The following MYO1E variants were observed in gnomAD, a reference collection of about 807,000 sequenced individuals.
MYO1E encodes unconventional myosin-Ie.
A neutral mutation model predicts 151.1 loss-of-function variants in MYO1E; 68 were observed. The observed-to-expected ratio is 0.45, with a 90% confidence interval of 0.37 to 0.55. The LOEUF (loss-of-function observed/expected upper bound fraction) is 0.55, where lower values mean the gene tolerates loss of function less well. Ranked by LOEUF, MYO1E falls within the 20% of genes least tolerant of loss-of-function variation. The pLI, the probability that MYO1E is intolerant of heterozygous loss-of-function variation, is 0.00. For missense variants in MYO1E, 1,363 were observed against 1,389.3 expected, an observed-to-expected ratio of 0.98 and a Z score of 0.30; for synonymous variants, 601 against 501.7, an observed-to-expected ratio of 1.20 and a Z score of -2.64.
rs544156232 is a variant in MYO1E, at chr15:59,304,231, C to T, written c.4-31782G>A. 5.3e-5 allele frequency among the ~76,000 whole-genome samples: 8 copies of T among 152,252 alleles called. No individual in the cohort carries two copies. The South Asian group carries it at 1.7e-3, about 32-fold the overall frequency. ...CTCCTGACCTCAGGTGAGTCATCTG[C>T]CTTGGCCTCCCACAGTGCTGCGATT... On this transcript the variant is annotated intron_variant, in intron 1 of 27. Transcript: ENST00000288235.
chr15:59,198,131 G>A (rs2079779182), intron 16 of MYO1E, among the ~76,000 whole-genome samples: 1 of 152,216 alleles, frequency 6.6e-6, no homozygotes. Flanking sequence ...CTCCCAGAGT[G>A]CTGAGATTAC....
At chr15:59,247,290 C>A (rs1341344616) in intron 4 of MYO1E, among the ~76,000 whole-genome samples, 1 of 152,168 alleles carries the variant, frequency 6.6e-6, no homozygotes. Flanking sequence ...ACCTGGCGAA[C>A]CTGTCCTGAC....
intron 4 of MYO1E, among the ~76,000 whole-genome samples, chr15:59,247,447 A>T (rs556673025): frequency 1.3e-5 from 2 of 152,242 alleles, no homozygotes; most frequent in Admixed American, 1.3e-4. Flanking sequence ...AGGCTCTGCC[A>T]TCTACTAGTT....
rs1030509820 is a variant in MYO1E, at chr15:59,159,464, C to A, written c.2786-1085G>T. Among the ~76,000 whole-genome samples, 16 of 152,254 alleles carry A rather than the reference C, an allele frequency of 1.1e-4. No homozygotes were observed. Among genetic ancestry groups the A allele is most frequent in the Non-Finnish European group, 2.2e-4 (15 of 68,040 alleles). On this transcript the variant is annotated intron_variant, in intron 24 of 27. Coordinates refer to ENST00000288235, the MANE Select transcript of MYO1E (RefSeq NM_004998.4). The surrounding 1 kb of genome is among the most constrained non-coding windows in gnomAD (Gnocchi z 4.4). ...CTATAGGCCAGGCCAACAGGAGGCA[C>A]TGGAAGGAGACTGGAGTGTCAGGAG...
chr15:59,150,825 C>T (rs1300417207), intron 26 of MYO1E, among the ~76,000 whole-genome samples: 1 of 152,098 alleles, frequency 6.6e-6, no homozygotes, highest in Admixed American at 6.5e-5. Context: ...TAGGCCCTAC[C>T]CCAGACCTAC....
At chr15:59,333,816 A>G (rs1461472074) in intron 1 of MYO1E, among the ~76,000 whole-genome samples, 1 of 152,184 alleles carries the variant, frequency 6.6e-6, no homozygotes, top group Non-Finnish European at 1.5e-5. Context: ...TTGAGCTTCC[A>G]CTATGCATCT....
At chr15:59,225,442 A>G (rs183855910) in intron 7 of MYO1E, among the ~76,000 whole-genome samples, 1 of 152,088 alleles carries the variant, frequency 6.6e-6, no homozygotes, top group Admixed American at 6.5e-5. Flanking sequence ...GATCCTGTCG[A>G]TGTCGCCCTG....
chr15:59,234,494 G>A (rs2080050053), intron 5 of MYO1E, among the ~76,000 whole-genome samples: 1 of 152,162 alleles, frequency 6.6e-6, no homozygotes, highest in Non-Finnish European at 1.5e-5. Context: ...TAAGCTTTCT[G>A]ATCTACCAGT....
chr15:59,371,472 A>T (rs924588399), intron 1 of MYO1E, among the ~76,000 whole-genome samples: 3 of 152,014 alleles, frequency 2.0e-5, no homozygotes, highest in Non-Finnish European at 4.4e-5. Flanking sequence ...TCTCTTCAAA[A>T]TAGAGTCCTT....
rs145292290 is a variant in MYO1E at position 59,163,503 on chromosome 15, G to A, written c.2481-200C>T. 1.4e-4 allele frequency among the ~76,000 whole-genome samples: 21 copies of A among 152,004 alleles called. No individual in the cohort carries two copies. In the East Asian group the frequency reaches 3.9e-3, roughly 28 times the overall value. ...ATTGCTGAAATCTGCTTTCAAAGAA[G>A]GTTTATAGTCCAACAAAAGCATGAT... On this transcript the variant is annotated intron_variant, in intron 22 of 27. Coordinates refer to ENST00000288235, the MANE Select transcript of MYO1E (RefSeq NM_004998.4).
chr15:59,318,677 T>C (rs1292628594), intron 1 of MYO1E, among the ~76,000 whole-genome samples: 2 of 152,224 alleles, frequency 1.3e-5, no homozygotes, highest in African/African-American at 2.4e-5. Flanking sequence ...TACCAGAATG[T>C]TGACTAAAAA....
intron 1 of MYO1E, among the ~76,000 whole-genome samples, chr15:59,326,479 C>T (rs1283860907): frequency 3.9e-5 from 6 of 152,214 alleles, no homozygotes; most frequent in African/African-American, 7.2e-5. Flanking sequence ...GCCGAGACTG[C>T]GCCACTGCAC....
intron 1 of MYO1E, among the ~76,000 whole-genome samples, chr15:59,310,481 G>A (rs1328466953): frequency 6.6e-6 from 1 of 152,158 alleles, no homozygotes; most frequent in Non-Finnish European, 1.5e-5. Context: ...AGAAGGTCAT[G>A]TGATGATGGA....
At chr15:59,221,118 C>A (rs2079953537) in intron 9 of MYO1E, among the ~76,000 whole-genome samples, 1 of 150,502 alleles carries the variant, frequency 6.6e-6, no homozygotes, top group African/African-American at 2.4e-5. Context: ...AACGATTCTC[C>A]TGCCTCAGCC....
chr15:59,181,867 T>C (rs960991976), intron 18 of MYO1E, among the ~76,000 whole-genome samples: 1 of 152,218 alleles, frequency 6.6e-6, no homozygotes. Flanking sequence ...AGCCTTTCTG[T>C]GGACACCTAG....
In MYO1E at chr15:59,291,407, G is replaced by A. The variant is rs192963871; in HGVS notation, c.4-18958C>T. On this transcript the variant is annotated intron_variant, in intron 1 of 27. Coordinates refer to ENST00000288235, the MANE Select transcript of MYO1E (RefSeq NM_004998.4). ...GGAGTTAAAAGGAAAAGGTTTCACC[G>A]ATTGTTTGTTGGTGTTTGTTGGAGG... Among the ~76,000 whole-genome samples, 149 of 152,298 alleles carry A rather than the reference G, an allele frequency of 9.8e-4. 1 individual carries two copies. The highest frequency in any genetic ancestry group is 3.2e-3 in the Admixed American group (49 of 15,292).
At chr15:59,207,678 T>C in intron 14 of MYO1E, 1 of 1,614,212 alleles carries the variant, frequency 6.2e-7, no homozygotes, top group Non-Finnish European at 8.5e-7. Context: ...GAGACTCAAG[T>C]GTTCCTGTGT....
chr15:59,276,548 A>G (rs1263916410), intron 1 of MYO1E, among the ~76,000 whole-genome samples: 6 of 152,232 alleles, frequency 3.9e-5, no homozygotes, highest in Non-Finnish European at 1.5e-5. Context: ...TTGAGTGCAG[A>G]CACTCTCAGA....
intron 25 of MYO1E, among the ~76,000 whole-genome samples, chr15:59,156,592 G>T (rs968978270): frequency 3.1e-4 from 47 of 152,346 alleles, no homozygotes; most frequent in Non-Finnish European, 1.5e-5. Context: ...GTCTCCCAAA[G>T]TGTTGGGATT....
Sources: allele counts gnomAD v4.1 joint callset (sites outside exome capture counted in the v4.1 genomes callset), GRCh38; gene constraint gnomAD v4.1.1; non-coding constraint Gnocchi (gnomAD v3.1); transcripts MANE v1.5; gene names NCBI Gene and HGNC (gene_info 2026-07-23, HGNC 2026-07-21).